Variants in CD36 observed in about 807,000 individuals in gnomAD.
CD36 encodes CD36 molecule (CD36 blood group).
Under a neutral mutation model 55.2 loss-of-function variants are expected in CD36, and 119 were observed. The observed-to-expected ratio is 2.15, with a 90% CI of 1.86 to 2.51. The LOEUF is 2.51. Among genes scored for constraint, CD36 ranks in the 30% most tolerant of loss-of-function variants. The pLI is 0.00. For synonymous variants in CD36, 186 were observed against 193.6 expected (o/e 0.96, Z 0.33); for missense variants, 819 against 555.5 (o/e 1.47, Z -4.77).
intron 1 of CD36, among the ~76,000 whole-genome samples, chr7:80,605,566 C>G (rs1408657207): frequency 6.6e-6 from 1 of 152,104 alleles, no homozygotes; most frequent in Non-Finnish European, 1.5e-5. Flanking sequence ...AGAGTTGTTT[C>G]CATTGCTTGC....
At chr7:80,657,162 A>G (rs1342750318) in intron 4 of CD36, among the ~76,000 whole-genome samples, 1 of 152,178 alleles carries the variant, frequency 6.6e-6, no homozygotes, top group Non-Finnish European at 1.5e-5. Flanking sequence ...GGCCAGCTGC[A>G]TCAGCATTAA....
intron 1 of CD36, among the ~76,000 whole-genome samples, chr7:80,645,413 C>T (rs976776900): frequency 3.3e-5 from 5 of 151,516 alleles, no homozygotes; most frequent in East Asian, 2.0e-4. Context: ...GTGGGTGGAT[C>T]ACGAGGTCAG....
chr7:80,668,308 A>G (rs554519700), intron 8 of CD36, among the ~76,000 whole-genome samples: 70 of 152,298 alleles, frequency 4.6e-4, no homozygotes, highest in Non-Finnish European at 2.1e-4. Context: ...AAAAATATCT[A>G]TGGGGAAAAT....
Position 80,669,933 on chromosome 7 carries a change from G to A in CD36, c.749-20G>A, listed in dbSNP as rs376499579. On this transcript the variant is annotated intron_variant, in intron 8 of 14. Coordinates refer to ENST00000447544, the MANE Select transcript of CD36 (RefSeq NM_001001548.3). ...GAACACACATTACATCTAATCATTTGCCACTCGATTTTTAAACAGATGCAG... is the reference window on the plus strand; with the variant it reads ...GAACACACATTACATCTAATCATTTACCACTCGATTTTTAAACAGATGCAG... 6.1e-5 allele frequency: 96 copies of A among 1,580,126 alleles called. No homozygotes were observed. The highest frequency in any genetic ancestry group is 7.7e-5 in the Non-Finnish European group (88 of 1,149,414).
rs745750711 is a variant in CD36 at position 80,671,151 on chromosome 7, C to G, written c.993C>G (p.Ser331Arg). 4.4e-6 allele frequency: 7 copies of G among 1,608,568 alleles called. No individual in the cohort carries two copies. The change falls in exon 10 of 15, where the codon AGC becomes AGG. Residue 331 changes from serine (S) to arginine (R), a missense_variant. Coordinates refer to ENST00000447544, the MANE Select transcript of CD36 (RefSeq NM_001001548.3). ...NCTSYGVLDI[S>R]KCKEGRPVYI... is the part of the protein sequence containing the mutation. Reference sequence around the variant, plus strand: ...CATCATATGGTGTGCTAGACATCAGCAAATGCAAAGAAGGTGAGTAAATAA... The same window carrying G: ...CATCATATGGTGTGCTAGACATCAGGAAATGCAAAGAAGGTGAGTAAATAA...
chr7:80,620,453 AG>A (rs1221603372), intron 1 of CD36, among the ~76,000 whole-genome samples: 2 of 152,150 alleles, frequency 1.3e-5, no homozygotes, highest in Non-Finnish European at 2.9e-5. Context: ...TTTATTATAA[AG>A]GATACAAATG....
chr7:80,646,675 T>C lies in CD36; in HGVS notation c.-66T>C. 3 of 1,600,162 alleles carry C rather than the reference T, an allele frequency of 1.9e-6. No individual in the cohort carries two copies. The highest frequency in any genetic ancestry group is 2.6e-6 in the Non-Finnish European group (3 of 1,167,790). ...AGAACCAGAGCTTGTAGAAACCACTTTAATCATATCCAGGAGTTTGCAAGA... is the reference window on the plus strand; with the variant it reads ...AGAACCAGAGCTTGTAGAAACCACTCTAATCATATCCAGGAGTTTGCAAGA... On this transcript the variant is annotated 5_prime_UTR_variant, in exon 3 of 15. Transcript: ENST00000447544.
Position 80,664,425 on chromosome 7 carries a change from GA to G in CD36, c.630del (p.Val211PhefsTer11). The G allele has an allele frequency of 6.4e-7, 1 of 1,563,412 alleles. No individual in the cohort carries two copies. The highest frequency in any genetic ancestry group is 1.1e-5 in the South Asian group (1 of 90,022). On this transcript the variant is annotated frameshift_variant, in exon 7 of 15. Transcript: ENST00000447544. LOFTEE classifies it high-confidence loss of function. ...TTTCAGTACAACAATACTGCAGATGGAGTTTATAAAGTTTTCAATGGAAAAG... is the reference window on the plus strand; with the variant it reads ...TTTCAGTACAACAATACTGCAGATGGGTTTATAAAGTTTTCAATGGAAAAG... Reference protein sequence around the residue: ...LFYPYNNTADGVYKVFNGKDN... With the variant: ...LFYPYNNTADXVYKVFNGKDN...
chr7:80,646,825 G>A lies in CD36; in HGVS notation c.85G>A (p.Val29Ile), dbSNP rs775913229. ...TGTGTTTGGAGGTATTCTAATGCCA[G>A]TTGGAGACCTGCTTATCCAGAAGAC... Reference protein sequence around the residue: ...LAVFGGILMPVGDLLIQKTIK... With the variant: ...LAVFGGILMPIGDLLIQKTIK... The change falls in exon 3 of 15, where the codon GTT (valine) becomes ATT (isoleucine). Residue 29 changes from valine (V) to isoleucine (I), a missense_variant. Physicochemically the swap from Val to Ile is conservative, Grantham distance 29. Transcript: ENST00000447544. 1.9e-6 allele frequency: 3 copies of A among 1,614,008 alleles called. No individual in the cohort carries two copies. Among genetic ancestry groups the A allele is most frequent in the South Asian group, 1.1e-5 (1 of 91,080 alleles).
rs1796838678 is a variant in CD36 at position 80,664,450 on chromosome 7, A to AGAT, written c.655_657dup (p.Asp219dup). 6.3e-7 allele frequency: 1 copy of AGAT among 1,582,376 alleles called. No individual in the cohort carries two copies. The highest frequency in any genetic ancestry group is 1.7e-5 in the Admixed American group (1 of 59,914). Reference sequence around the variant, plus strand: ...GAGTTTATAAAGTTTTCAATGGAAAAGATAACATAAGTAAAGTTGCCATAA... The same window carrying AGAT: ...GAGTTTATAAAGTTTTCAATGGAAAAGATGATAACATAAGTAAAGTTGCCATAA... On this transcript the variant is annotated inframe_insertion, in exon 7 of 15. Transcript: ENST00000447544.
chr7:80,667,598 A>T (rs1429853210), intron 8 of CD36, among the ~76,000 whole-genome samples: 1 of 152,044 alleles, frequency 6.6e-6, no homozygotes, highest in East Asian at 1.9e-4. Context: ...GTAAAAATGA[A>T]GTACAGAGAA....
chr7:80,661,243 A>G (rs1454561635), intron 5 of CD36, 33 bp downstream of exon 5: 1 of 1,586,514 alleles, frequency 6.3e-7, no homozygotes, highest in African/African-American at 1.3e-5. Flanking sequence ...TATCTATTTT[A>G]AAATACTCTA....
At chr7:80,604,898 A>G (rs1792457211) in intron 1 of CD36, among the ~76,000 whole-genome samples, 1 of 152,174 alleles carries the variant, frequency 6.6e-6, no homozygotes, top group East Asian at 1.9e-4. Flanking sequence ...TAATAAGAAC[A>G]CTTCAGTCTA....
intron 1 of CD36, among the ~76,000 whole-genome samples, chr7:80,629,162 C>T (rs943171289): frequency 2.0e-4 from 31 of 151,990 alleles, no homozygotes; most frequent in African/African-American, 5.8e-4. Flanking sequence ...AGCACTCTTC[C>T]GGCACAGGTG....
Position 80,674,373 on chromosome 7 carries a change from A to G in CD36, c.*226A>G, listed in dbSNP as rs8956. On this transcript the variant is annotated intron_variant, in intron 14 of 14. Coordinates refer to ENST00000447544, the MANE Select transcript of CD36 (RefSeq NM_001001548.3). ...TGAGATAAAAGATGTACTTGTGACCATTGTAACAATAGCACAAATAAAGCA... is the reference window on the plus strand; with the variant it reads ...TGAGATAAAAGATGTACTTGTGACCGTTGTAACAATAGCACAAATAAAGCA... The G allele has an allele frequency of 4.2e-3, 2,021 of 477,230 alleles. 41 individuals carry two copies. Among genetic ancestry groups the G allele is most frequent in the African/African-American group, 0.036 (1,860 of 51,044 alleles). 29.6% of individuals were successfully genotyped at this position (477,230 alleles called of 1,614,324 possible). A position where few individuals can be genotyped will look rare whatever the true frequency, so the allele number is the denominator to read the frequency against.
intron 10 of CD36, among the ~76,000 whole-genome samples, chr7:80,671,566 A>T (rs1483496056): frequency 6.6e-6 from 1 of 152,142 alleles, no homozygotes; most frequent in South Asian, 2.1e-4. Context: ...AGAAAATGGT[A>T]CAGGTAAATG....
chr7:80,650,080 C>A (rs1795482722), intron 3 of CD36, among the ~76,000 whole-genome samples: 1 of 152,048 alleles, frequency 6.6e-6, no homozygotes, highest in Non-Finnish European at 1.5e-5. Flanking sequence ...TCCGTGCAAT[C>A]TTTTACAAGG....
intron 1 of CD36, among the ~76,000 whole-genome samples, chr7:80,606,162 T>C (rs1792539579): frequency 6.6e-6 from 1 of 152,154 alleles, no homozygotes; most frequent in Non-Finnish European, 1.5e-5. Flanking sequence ...ATTTTAAGAA[T>C]TTTGAATCAC....
At chr7:80,624,099 G>A (rs1704529262) in intron 1 of CD36, 1 of 152,176 alleles carries the variant, frequency 6.6e-6, no homozygotes, top group Admixed American at 6.6e-5. Flanking sequence ...CACAACCAGA[G>A]TCTTCGGTGT....
Sources: gnomAD v4.1 joint callset for allele counts (sites outside exome capture counted in the v4.1 genomes callset) on GRCh38, gnomAD v4.1.1 for gene constraint, MANE v1.5 for transcripts, NCBI Gene and HGNC (gene_info 2026-07-23, HGNC 2026-07-21) for gene names.